Variants in CTNND2 observed in about 807,000 individuals in gnomAD.
CTNND2 encodes catenin delta 2, also known as catenin delta-2.
A neutral mutation model predicts 144.4 loss-of-function variants in CTNND2; 22 were observed. The observed-to-expected ratio is 0.15, with a 90% CI of 0.11 to 0.22. The LOEUF is 0.22. Among genes scored for constraint, CTNND2 ranks in the 10% least tolerant of loss-of-function variants. CTNND2 has a pLI of 1.00. For synonymous variants in CTNND2, 751 were observed against 695.6 expected, an observed-to-expected ratio of 1.08 and a Z score of -1.25; for missense variants, 1,353 against 1,618.8, an observed-to-expected ratio of 0.84 and a Z score of 2.82.
rs1013621989 is a variant in CTNND2, at chr5:11,257,108, A to G, written c.1629-20285T>C. 2.0e-5 allele frequency among the ~76,000 whole-genome samples: 3 copies of G among 152,382 alleles called. 1 individual carries two copies. The highest frequency in any genetic ancestry group is 2.0e-4 in the Admixed American group (3 of 15,310). ...TCTGTATGACCTCTAGTCATATTACATAGACCTTTGTTGGCTTATTTCTTG... is the reference window on the plus strand; with the variant it reads ...TCTGTATGACCTCTAGTCATATTACGTAGACCTTTGTTGGCTTATTTCTTG... On this transcript the variant is annotated intron_variant, in intron 9 of 21. Transcript: ENST00000304623.
chr5:11,059,858 G>GTA lies in CTNND2; in HGVS notation c.2788+22837_2788+22838insTA, dbSNP rs777362972. On this transcript the variant is annotated intron_variant, in intron 16 of 21. Transcript: ENST00000304623. The stretch of plus-strand genomic sequence containing the variant: ...CACAGAAACTCTTTTTGAAATATAT[G>GTA]TGTATATATATAGATATACCCATAC... 3.0e-4 allele frequency among the ~76,000 whole-genome samples: 46 copies of GTA among 152,022 alleles called. No homozygotes were observed. In the East Asian group the frequency reaches 8.3e-3, roughly 27 times the overall value.
chr5:11,070,025 C>G (rs1275564664), intron 16 of CTNND2, among the ~76,000 whole-genome samples: 1 of 152,160 alleles, frequency 6.6e-6, no homozygotes. Flanking sequence ...CAACTTCAGT[C>G]TATTCAAATC....
At chr5:11,185,030 G>T (rs541410689) in intron 11 of CTNND2, among the ~76,000 whole-genome samples, 1 of 152,138 alleles carries the variant, frequency 6.6e-6, no homozygotes, top group Non-Finnish European at 1.5e-5. Flanking sequence ...GCATGCACAC[G>T]GATGACTCAG....
chr5:11,701,402 A>T (rs1447811101), intron 2 of CTNND2, among the ~76,000 whole-genome samples: 2 of 152,238 alleles, frequency 1.3e-5, no homozygotes, highest in African/African-American at 4.8e-5. Flanking sequence ...CTTAATTGAC[A>T]ACCTAATAAC....
chr5:11,483,446 C>T (rs1381078152), intron 3 of CTNND2, among the ~76,000 whole-genome samples: 1 of 152,182 alleles, frequency 6.6e-6, no homozygotes, highest in African/African-American at 2.4e-5. Flanking sequence ...GTGGGCTACA[C>T]ATCTGGCCGT....
chr5:11,354,377 C>A (rs1431696027), intron 8 of CTNND2, among the ~76,000 whole-genome samples: 1 of 152,162 alleles, frequency 6.6e-6, no homozygotes, highest in Admixed American at 6.5e-5. Flanking sequence ...TCCAAGGAAG[C>A]TTAAGTGTTC....
intron 2 of CTNND2, among the ~76,000 whole-genome samples, chr5:11,723,419 C>A (rs1786800226): frequency 6.6e-6 from 1 of 152,034 alleles, no homozygotes; most frequent in Non-Finnish European, 1.5e-5. Context: ...AGTCAATGGG[C>A]ACATTCTGAA....
At chr5:11,559,208 C>T (rs1197531689) in intron 3 of CTNND2, among the ~76,000 whole-genome samples, 1 of 151,970 alleles carries the variant, frequency 6.6e-6, no homozygotes, top group Non-Finnish European at 1.5e-5. Context: ...GATGTAAGTC[C>T]CTTCCCTCCT....
chr5:11,701,964 A>G (rs1785456387), intron 2 of CTNND2, among the ~76,000 whole-genome samples: 1 of 152,224 alleles, frequency 6.6e-6, no homozygotes, highest in African/African-American at 2.4e-5. Context: ...ACTCAGCCAC[A>G]TAACTCATCA....
intron 3 of CTNND2, among the ~76,000 whole-genome samples, chr5:11,497,179 A>C (rs754106017): frequency 6.6e-6 from 1 of 151,508 alleles, no homozygotes; most frequent in Non-Finnish European, 1.5e-5. Context: ...GAACAGAGGA[A>C]GTTCTTCCTC....
intron 11 of CTNND2, among the ~76,000 whole-genome samples, chr5:11,160,560 C>T (rs1333435082): frequency 6.6e-6 from 1 of 152,030 alleles, no homozygotes; most frequent in Admixed American, 6.6e-5. Context: ...TTTGAAAATG[C>T]TTTTAAATAA....
intron 14 of CTNND2, among the ~76,000 whole-genome samples, chr5:11,102,109 G>A (rs577670039): frequency 8.1e-4 from 124 of 152,208 alleles, no homozygotes; most frequent in African/African-American, 2.3e-3. Context: ...TACTCCTTAT[G>A]TTTGAGAGTT....
At chr5:11,113,752 T>A (rs944924296) in intron 13 of CTNND2, among the ~76,000 whole-genome samples, 4 of 152,182 alleles carry the variant, frequency 2.6e-5, no homozygotes, top group Admixed American at 2.6e-4. Context: ...TGTGAGTACC[T>A]CCCACCAGAC....
intron 2 of CTNND2, among the ~76,000 whole-genome samples, chr5:11,670,765 T>A (rs908460194): frequency 5.3e-5 from 8 of 152,128 alleles, no homozygotes; most frequent in African/African-American, 1.9e-4. Flanking sequence ...GGGGCATTTA[T>A]CTCGTTTATA....
intron 16 of CTNND2, among the ~76,000 whole-genome samples, chr5:11,026,363 T>TC (rs1177572241): frequency 6.7e-6 from 1 of 148,668 alleles, no homozygotes; most frequent in East Asian, 1.9e-4. Flanking sequence ...CTTCTTTTTT[T>TC]TTTTTTTTTT....
intron 3 of CTNND2, among the ~76,000 whole-genome samples, chr5:11,505,360 A>G (rs1770928794): frequency 6.6e-6 from 1 of 152,214 alleles, no homozygotes; most frequent in African/African-American, 2.4e-5. Flanking sequence ...CAGCAGGGCC[A>G]CATGCTTAGA....
intron 9 of CTNND2, among the ~76,000 whole-genome samples, chr5:11,304,530 TC>T (rs1168672177): frequency 3.3e-5 from 5 of 152,180 alleles, no homozygotes; most frequent in Admixed American, 2.0e-4. Flanking sequence ...TAATTTTTGG[TC>T]CCTCTAAAAA....
intron 2 of CTNND2, among the ~76,000 whole-genome samples, chr5:11,658,765 T>C (rs886890675): frequency 6.6e-6 from 1 of 152,180 alleles, no homozygotes; most frequent in Non-Finnish European, 1.5e-5. Flanking sequence ...CACTGCGCTA[T>C]ATGAATACAT....
At chr5:11,498,868 T>C (rs1210759971) in intron 3 of CTNND2, among the ~76,000 whole-genome samples, 1 of 152,180 alleles carries the variant, frequency 6.6e-6, no homozygotes, top group East Asian at 1.9e-4. Context: ...TGCATTGATA[T>C]ATTCGGTCAC....
Sources: allele counts gnomAD v4.1 joint callset (sites outside exome capture counted in the v4.1 genomes callset), GRCh38; gene constraint gnomAD v4.1.1; transcripts MANE v1.5; gene names NCBI Gene and HGNC (gene_info 2026-07-23, HGNC 2026-07-21).